Variants in HECW2 observed in about 807,000 individuals in gnomAD.
HECW2 encodes HECT, C2 and WW domain containing E3 ubiquitin protein ligase 2.
Under a neutral mutation model 175.2 loss-of-function variants are expected in HECW2, and 61 were observed. That is an observed-to-expected ratio of 0.35 (90% confidence interval 0.28 to 0.43). HECW2 has a LOEUF of 0.43. Ranked by LOEUF, HECW2 falls within the 20% of genes least tolerant of loss-of-function variation. HECW2 has a pLI of 1.00. For synonymous variants in HECW2, 671 were observed against 731.0 expected (o/e 0.92, Z 1.32); for missense variants, 1,524 against 2,000.5 (o/e 0.76, Z 4.54).
Position 196,220,845 on chromosome 2 carries a change from C to G in HECW2, c.4243G>C (p.Glu1415Gln). 1 of 1,614,186 alleles carries G rather than the reference C, an allele frequency of 6.2e-7. No individual in the cohort carries two copies. Among genetic ancestry groups the G allele is most frequent in the Non-Finnish European group, 8.5e-7 (1 of 1,180,022 alleles). The stretch of plus-strand genomic sequence containing the variant: ...TCTGTTTGCTGTACAACACCCCTCT[C>G]AATCCTCCACTTCACCATCCTCTCG... ...YIERMVKWRI[E>Q]RGVVQQTESL... Residue 1415 changes from glutamate (E) to glutamine (Q), a missense_variant, in exon 25 of 29, where the codon GAG becomes CAG. Physicochemically the swap from Glu to Gln is conservative, Grantham distance 29. Around this residue, in one of 11 missense-constraint regions of HECW2, gnomAD observed 134 missense variants for 287.8 expected, o/e 0.47. Coordinates refer to ENST00000644978, the MANE Select transcript of HECW2 (RefSeq NM_001348768.2).
intron 23 of HECW2, among the ~76,000 whole-genome samples, chr2:196,222,593 T>C (rs535720454): frequency 1.3e-5 from 2 of 152,316 alleles, no homozygotes; most frequent in Admixed American, 6.5e-5. Flanking sequence ...TCTTCCTTTA[T>C]AGACACAGAA....
intron 3 of HECW2, among the ~76,000 whole-genome samples, chr2:196,335,902 A>C (rs2105807683): frequency 6.6e-6 from 1 of 152,326 alleles, no homozygotes; most frequent in African/African-American, 2.4e-5. Context: ...GCTGTTCTGT[A>C]GTGTAGCTGC....
chr2:196,554,297 G>A (rs1039338031), intron 1 of HECW2, among the ~76,000 whole-genome samples: 5 of 151,886 alleles, frequency 3.3e-5, no homozygotes, highest in Non-Finnish European at 5.9e-5. Flanking sequence ...CAGCACTCCC[G>A]CCTGGGCGAC....
Position 196,332,408 on chromosome 2 carries a change from T to C in HECW2, c.495+2016A>G, listed in dbSNP as rs530707280. Among the ~76,000 whole-genome samples the C allele has an allele frequency of 7.9e-5, 12 of 152,318 alleles. No homozygotes were observed. In the East Asian group the frequency reaches 2.3e-3, roughly 29 times the overall value. ...TCAATTTTGGACATAGACCAAACTGTCTCAAGCTTGGTCAGAAATCGATTA... is the reference window on the plus strand; with the variant it reads ...TCAATTTTGGACATAGACCAAACTGCCTCAAGCTTGGTCAGAAATCGATTA... On this transcript the variant is annotated intron_variant, in intron 4 of 28. Transcript: ENST00000644978.
intron 2 of HECW2, among the ~76,000 whole-genome samples, chr2:196,362,450 A>C (rs1693622927): frequency 6.6e-6 from 1 of 151,966 alleles, no homozygotes; most frequent in South Asian, 2.1e-4. Context: ...ATTTACTCAG[A>C]ATAGAGTGGT....
chr2:196,567,514 T>A (rs1690227796), intron 1 of HECW2, among the ~76,000 whole-genome samples: 1 of 152,204 alleles, frequency 6.6e-6, no homozygotes, highest in Admixed American at 6.5e-5. Flanking sequence ...GACCCTTGTT[T>A]GTCACAGTAA....
At position 196,374,037 on chromosome 2, in the gene HECW2, AAAT is replaced by A. The variant is rs201072920; in HGVS notation, c.293-30276_293-30274del. Among the ~76,000 whole-genome samples the A allele has an allele frequency of 7.3e-3, 1,014 of 138,894 alleles. 13 individuals carry two copies. The highest frequency in any genetic ancestry group is 0.032 in the African/African-American group (973 of 30,354). 91.1% of individuals were successfully genotyped at this position (138,894 alleles called of 152,430 possible). A position where few individuals can be genotyped will look rare whatever the true frequency, so the allele number is the denominator to read the frequency against. On this transcript the variant is annotated intron_variant, in intron 2 of 28. Transcript: ENST00000644978. ...ACAGAGAGAGACTCCGTCTCAAAAA[AAAT>A]AAAATAAAATAAATAAATAAATAAA...
chr2:196,515,215 G>A (rs992186093), intron 1 of HECW2, among the ~76,000 whole-genome samples: 3 of 152,230 alleles, frequency 2.0e-5, no homozygotes, highest in Non-Finnish European at 4.4e-5. Flanking sequence ...AGAAGCTGGC[G>A]TGCCTGGCTG....
At chr2:196,560,182 G>C (rs1035477019) in intron 1 of HECW2, among the ~76,000 whole-genome samples, 1 of 152,124 alleles carries the variant, frequency 6.6e-6, no homozygotes, top group Non-Finnish European at 1.5e-5. Flanking sequence ...TCTCACTCTT[G>C]TTGCCCAGGT....
intron 1 of HECW2, among the ~76,000 whole-genome samples, chr2:196,479,459 G>A (rs1686774459): frequency 6.6e-6 from 1 of 152,154 alleles, no homozygotes; most frequent in Non-Finnish European, 1.5e-5. Flanking sequence ...GATGTGTCCA[G>A]TATTGCAGAA....
At chr2:196,580,675 GA>G (rs1022853842) in intron 1 of HECW2, among the ~76,000 whole-genome samples, 2 of 149,636 alleles carry the variant, frequency 1.3e-5, no homozygotes, top group Non-Finnish European at 3.0e-5. Context: ...AAAAAAGTGG[GA>G]AAGAGGTGGA....
chr2:196,232,666 T>G (rs1688100071), intron 21 of HECW2, among the ~76,000 whole-genome samples: 1 of 152,204 alleles, frequency 6.6e-6, no homozygotes, highest in South Asian at 2.1e-4. Context: ...CTTAGAAAGT[T>G]TAACATGTAA....
Position 196,195,894 on chromosome 2 carries a change from A to T in HECW2, c.*5383T>A, listed in dbSNP as rs1002601990. On this transcript the variant is annotated 3_prime_UTR_variant, in exon 29 of 29. Transcript: ENST00000644978. ...CAATACAGAAAATGTTAAATTACTGAAGTTATAAAATGAGGGTATTTCCCA... is the reference window on the plus strand; with the variant it reads ...CAATACAGAAAATGTTAAATTACTGTAGTTATAAAATGAGGGTATTTCCCA... 4 of 152,214 alleles carry T rather than the reference A, an allele frequency of 2.6e-5. No homozygotes were observed. Among genetic ancestry groups the T allele is most frequent in the Admixed American group, 2.6e-4 (4 of 15,278 alleles). The allele number at this position is 152,214 out of a possible 1,614,324, so 9.4% of individuals were successfully genotyped here.
chr2:196,295,225 G>C (rs939491573), intron 13 of HECW2, among the ~76,000 whole-genome samples: 4 of 152,176 alleles, frequency 2.6e-5, no homozygotes, highest in Admixed American at 1.3e-4. Context: ...GGCAATTAGA[G>C]AGCATGAGAG....
At chr2:196,203,901 T>A (rs113997693) in intron 28 of HECW2, among the ~76,000 whole-genome samples, 1 of 152,186 alleles carries the variant, frequency 6.6e-6, no homozygotes, top group Middle Eastern at 3.2e-3. Context: ...GAAACCACCA[T>A]TCTACTTTGT....
At chr2:196,218,015 T>C (rs1351902954) in intron 26 of HECW2, 2 of 152,160 alleles carry the variant, frequency 1.3e-5, no homozygotes, top group Non-Finnish European at 2.9e-5. Flanking sequence ...TTAGTCCCCT[T>C]TGGAGAAAAA....
intron 21 of HECW2, among the ~76,000 whole-genome samples, chr2:196,238,137 G>A (rs1421671484): frequency 6.6e-6 from 1 of 152,182 alleles, no homozygotes; most frequent in African/African-American, 2.4e-5. Context: ...GCTGAGGCAG[G>A]AGAATCACTT....
chr2:196,556,113 G>A (rs1392433408), intron 1 of HECW2, among the ~76,000 whole-genome samples: 5 of 152,022 alleles, frequency 3.3e-5, no homozygotes, highest in African/African-American at 4.8e-5. Flanking sequence ...TTTTATTTGT[G>A]CAAATTTAAG....
chr2:196,225,925 T>C, intron 22 of HECW2, 55 bp from the exon 23 acceptor site: 2 of 1,072,088 alleles, frequency 1.9e-6, no homozygotes, highest in Non-Finnish European at 2.9e-6. Flanking sequence ...TTCTAGGTGG[T>C]TCCATATGCT....
Sources: gnomAD v4.1 joint callset for allele counts (sites outside exome capture counted in the v4.1 genomes callset) on GRCh38, gnomAD v4.1.1 for gene constraint, gnomAD v4.1.1 regional missense constraint, MANE v1.5 for transcripts, NCBI Gene and HGNC (gene_info 2026-07-23, HGNC 2026-07-21) for gene names.